The following CFAP221 variants were observed in gnomAD, a reference collection of about 807,000 sequenced individuals.
The protein encoded by CFAP221 is cilia- and flagella-associated protein 221.
In CFAP221, 97 loss-of-function variants were observed where a neutral mutation model predicts 113.1. That is an observed-to-expected ratio of 0.86 (90% CI 0.73 to 1.02). CFAP221 has a LOEUF of 1.02. CFAP221 is among the 50% of genes least tolerant of loss of function. The pLI, the probability that CFAP221 is intolerant of heterozygous loss-of-function variation, is 0.00. For synonymous variants in CFAP221, 331 were observed against 354.4 expected, an observed-to-expected ratio of 0.93 and a Z score of 0.74; for missense variants, 1,025 against 1,013.4, an observed-to-expected ratio of 1.01 and a Z score of -0.16.
chr2:119,654,508 A>G (rs1688316550), intron 23 of CFAP221, among the ~76,000 whole-genome samples: 2 of 152,046 alleles, frequency 1.3e-5, no homozygotes, highest in African/African-American at 4.8e-5. Flanking sequence ...CTTTTACATG[A>G]GTCTTCACTC....
At chr2:119,629,384 T>TG (rs1339157817) in intron 16 of CFAP221, among the ~76,000 whole-genome samples, 5 of 152,184 alleles carry the variant, frequency 3.3e-5, no homozygotes, top group African/African-American at 9.7e-5. Flanking sequence ...AGGCCTCAGC[T>TG]GGGCCTGTGA....
chr2:119,656,919 G>A (rs1688466758), downstream of CFAP221, among the ~76,000 whole-genome samples: 1 of 152,136 alleles, frequency 6.6e-6, no homozygotes, highest in African/African-American at 2.4e-5. Flanking sequence ...AGCTGTGCAG[G>A]TGGCAGACAG....
intron 19 of CFAP221, among the ~76,000 whole-genome samples, chr2:119,633,214 T>C (rs1175988176): frequency 6.6e-6 from 1 of 151,948 alleles, no homozygotes; most frequent in Non-Finnish European, 1.5e-5. Flanking sequence ...CATAAATTAA[T>C]ACAACATGGA....
At chr2:119,600,488 G>A (rs1201550541) in intron 7 of CFAP221, among the ~76,000 whole-genome samples, 3 of 152,182 alleles carry the variant, frequency 2.0e-5, no homozygotes, top group Admixed American at 6.5e-5. Flanking sequence ...CGCTAATGCA[G>A]ATTGATGTGT....
chr2:119,642,961 T>C (rs376382887), intron 21 of CFAP221, among the ~76,000 whole-genome samples: 2 of 151,514 alleles, frequency 1.3e-5, no homozygotes, highest in East Asian at 1.9e-4. Flanking sequence ...TTCTTGTTAT[T>C]TTTAATGTAA....
intron 15 of CFAP221, among the ~76,000 whole-genome samples, chr2:119,627,192 G>A (rs1427275343): frequency 1.3e-5 from 2 of 151,804 alleles, no homozygotes; most frequent in East Asian, 3.9e-4. Context: ...ACTCCCGTCT[G>A]CCACTCCACT....
chr2:119,585,922 G>A (rs1683190872), intron 6 of CFAP221, among the ~76,000 whole-genome samples: 1 of 152,186 alleles, frequency 6.6e-6, no homozygotes, highest in Non-Finnish European at 1.5e-5. Flanking sequence ...AGACAGATGG[G>A]TTCGGATGGG....
chr2:119,598,505 T>A (rs562089567), intron 7 of CFAP221, among the ~76,000 whole-genome samples: 1 of 152,362 alleles, frequency 6.6e-6, no homozygotes, highest in Admixed American at 6.5e-5. Context: ...ACCCTCCATG[T>A]CCTGTGATTC....
chr2:119,615,120 A>G (rs1238786459), intron 13 of CFAP221, among the ~76,000 whole-genome samples: 2 of 151,364 alleles, frequency 1.3e-5, no homozygotes, highest in Non-Finnish European at 3.0e-5. Flanking sequence ...GGCCAGCCTC[A>G]CTATACCCGC....
rs148375672 is a variant in CFAP221 at position 119,604,916 on chromosome 2, C to T, written c.953C>T (p.Ser318Leu). ...YQNLRFPVDLSNPFAVATVLN... is the reference protein window; with the variant it reads ...YQNLRFPVDLLNPFAVATVLN... ...AACCTCAGATTTCCAGTAGATTTAT[C>T]GAATCCATTTGCTGTGGCAACTGTT... The change falls in exon 10 of 24, where the codon TCG becomes TTG. Residue 318 changes from serine (S) to leucine (L), a missense_variant. Physicochemically the swap from Ser to Leu is moderately radical, Grantham distance 145. Transcript: ENST00000413369. 263 of 1,613,968 alleles carry T rather than the reference C, an allele frequency of 1.6e-4. 1 individual carries two copies. The East Asian group carries it at 4.6e-3, about 28-fold the overall frequency.
At chr2:119,560,559 C>T (rs1290322186) in intron 5 of CFAP221, among the ~76,000 whole-genome samples, 2 of 152,190 alleles carry the variant, frequency 1.3e-5, no homozygotes, top group South Asian at 2.1e-4. Flanking sequence ...CCAGAGCTGC[C>T]GTCATTCCTT....
At position 119,587,148 on chromosome 2, in the gene CFAP221, G is replaced by T; in HGVS notation, c.557G>T (p.Ser186Ile). 1 of 1,529,910 alleles carries T rather than the reference G, an allele frequency of 6.5e-7. No individual in the cohort carries two copies. The highest frequency in any genetic ancestry group is 1.2e-5 in the South Asian group (1 of 82,660). The allele number at this position is 1,529,910 out of a possible 1,614,324, so 94.8% of individuals were successfully genotyped here. The change falls in exon 7 of 24, where the codon AGC becomes ATC. Residue 186 changes from serine to isoleucine, a missense_variant. Transcript: ENST00000413369. ...ACTTATGTTATTCCTTTGCAGTGCA[G>T]CTGCCCTGTAGATTTTGAGTTTTAT... ...SKTYVIPLQC[S>I]CPVDFEFYIT...
At chr2:119,596,711 G>A (rs142089740) in intron 7 of CFAP221, among the ~76,000 whole-genome samples, 9 of 152,378 alleles carry the variant, frequency 5.9e-5, no homozygotes, top group East Asian at 5.8e-4. Context: ...GATTGTTAGC[G>A]TCTCAGTATG....
intron 6 of CFAP221, among the ~76,000 whole-genome samples, chr2:119,568,488 C>G (rs927219769): frequency 1.3e-5 from 2 of 152,118 alleles, no homozygotes; most frequent in Non-Finnish European, 2.9e-5. Flanking sequence ...TCTCCCTCCC[C>G]GTGCCCCCCA....
Position 119,559,677 on chromosome 2 carries a change from T to C in CFAP221, c.241-12T>C, listed in dbSNP as rs1681082459. ...CGTGTATTTCCTCTAAATACTTCTT[T>C]TTCTCTCCCAGCATCTGGTCAATGT... On this transcript the variant is annotated splice_polypyrimidine_tract_variant and intron_variant, in intron 3 of 23. Coordinates refer to ENST00000413369, the MANE Select transcript of CFAP221 (RefSeq NM_001271049.2). 5.9e-6 allele frequency: 9 copies of C among 1,513,908 alleles called. No homozygotes were observed. Among genetic ancestry groups the C allele is most frequent in the Non-Finnish European group, 8.0e-6 (9 of 1,126,708 alleles). 93.8% of individuals were successfully genotyped at this position (1,513,908 alleles called of 1,614,324 possible).
chr2:119,546,025 AAG>A (rs1178867015), intron 1 of CFAP221, 58 bp from the exon 2 acceptor site: 27 of 1,233,554 alleles, frequency 2.2e-5, no homozygotes, highest in Non-Finnish European at 2.8e-5. Flanking sequence ...TTATCAAAGA[AAG>A]AGAAAAAATG....
intron 14 of CFAP221, among the ~76,000 whole-genome samples, chr2:119,624,083 A>G (rs866952182): frequency 1.3e-5 from 2 of 152,214 alleles, no homozygotes; most frequent in Admixed American, 1.3e-4. Context: ...TGAACAGGCA[A>G]CCTATAGAAT....
At chr2:119,623,781 T>A (rs2104740929) in intron 14 of CFAP221, among the ~76,000 whole-genome samples, 1 of 152,342 alleles carries the variant, frequency 6.6e-6, no homozygotes, top group East Asian at 1.9e-4. Flanking sequence ...GATTCTCTAT[T>A]TAATAAATGG....
intron 6 of CFAP221, among the ~76,000 whole-genome samples, chr2:119,581,777 G>A (rs531212024): frequency 1.6e-3 from 240 of 152,216 alleles, no homozygotes; most frequent in Non-Finnish European, 2.8e-3. Flanking sequence ...TCAAGCTGCA[G>A]AGCATCAAGA....
Sources: gnomAD v4.1 joint callset for allele counts (sites outside exome capture counted in the v4.1 genomes callset) on GRCh38, gnomAD v4.1.1 for gene constraint, MANE v1.5 for transcripts, NCBI Gene and HGNC (gene_info 2026-07-23, HGNC 2026-07-21) for gene names.